The following DNAH9 variants were observed in gnomAD, a reference collection of about 807,000 sequenced individuals.
The protein encoded by DNAH9 is dynein axonemal heavy chain 9, also known as DNAH9 variant protein.
DNAH9 carries 345 observed loss-of-function variants against 471.6 expected under a neutral mutation model. That is an observed-to-expected ratio of 0.73 (90% CI 0.67 to 0.80). The LOEUF (loss-of-function observed/expected upper bound fraction) is 0.80. DNAH9 is among the 30% of genes least tolerant of loss of function. The pLI, the probability that DNAH9 is intolerant of heterozygous loss-of-function variation, is 0.00. For synonymous variants in DNAH9, 2,093 were observed against 2,123.6 expected (o/e 0.99, Z 0.40); for missense variants, 5,407 against 5,609.2 (o/e 0.96, Z 1.15).
intron 62 of DNAH9, among the ~76,000 whole-genome samples, chr17:11,924,616 C>CTTTTTTTTTTTTTTTTTTTT (rs756191140): frequency 2.2e-5 from 2 of 91,956 alleles, no homozygotes; most frequent in African/African-American, 4.5e-5. Context: ...ACTACTAACT[C>CTTTTTTTTTTTTTTTTTTTT]TTTTTTTTTT....
chr17:11,930,946 A>G (rs976381048), intron 63 of DNAH9, among the ~76,000 whole-genome samples: 7 of 152,162 alleles, frequency 4.6e-5, no homozygotes, highest in Non-Finnish European at 1.0e-4. Context: ...CGTTTCCATT[A>G]TGGGGAATTT....
In DNAH9 at chr17:11,664,859, C is replaced by A; in HGVS notation, c.2622C>A (p.Asp874Glu). The change falls in exon 15 of 69, where the codon GAC becomes GAA. Residue 874 changes from aspartate (D) to glutamate (E), a missense_variant. Coordinates refer to ENST00000262442, the MANE Select transcript of DNAH9 (RefSeq NM_001372.4). ...VQENLGLFSA[D>E]PTSNIWKTYV... The stretch of plus-strand genomic sequence containing the variant: ...AAAACCTGGGTCTATTTTCAGCAGA[C>A]CCAACCTCCAATATCTGGAAGACTT... The A allele has an allele frequency of 6.2e-7, 1 of 1,613,234 alleles. No homozygotes were observed. The highest frequency in any genetic ancestry group is 1.3e-5 in the African/African-American group (1 of 75,040).
rs1164434002 is a variant in DNAH9, at chr17:11,669,103, T to G, written c.2771T>G (p.Leu924Arg). The part of the protein sequence containing the change: ...AGLTPIFEAQ[L>R]SLAIPELVFY... ...CTTACCCCAATATTTGAAGCACAACTGAGTCTAGCCATCCCAGAGCTAGTT... is the reference window on the plus strand; with the variant it reads ...CTTACCCCAATATTTGAAGCACAACGGAGTCTAGCCATCCCAGAGCTAGTT... The change falls in exon 16 of 69, where the codon CTG (leucine) becomes CGG (arginine). Residue 924 changes from leucine (L) to arginine (R), a missense_variant. By Grantham distance (102) the Leu-to-Arg change is moderately radical. Transcript: ENST00000262442. 6.2e-7 allele frequency: 1 copy of G among 1,613,880 alleles called. No individual in the cohort carries two copies. Among genetic ancestry groups the G allele is most frequent in the Non-Finnish European group, 8.5e-7 (1 of 1,179,892 alleles).
intron 1 of DNAH9, among the ~76,000 whole-genome samples, chr17:11,604,355 G>A (rs1023987061): frequency 5.9e-5 from 9 of 151,930 alleles, no homozygotes; most frequent in Admixed American, 2.6e-4. Flanking sequence ...ATGGTCCTAC[G>A]GCTCATTCCC....
intron 49 of DNAH9, among the ~76,000 whole-genome samples, chr17:11,842,261 AG>A (rs1409595390): frequency 6.6e-6 from 1 of 152,214 alleles, no homozygotes; most frequent in Non-Finnish European, 1.5e-5. Context: ...AATACAAGTA[AG>A]TTGACTTTAG....
chr17:11,773,805 G>A (rs1290268251), intron 38 of DNAH9, among the ~76,000 whole-genome samples: 3 of 152,220 alleles, frequency 2.0e-5, no homozygotes, highest in Non-Finnish European at 4.4e-5. Context: ...TAAAGTGTTA[G>A]CATTATGCTA....
chr17:11,704,479 T>C, intron 25 of DNAH9, 37 bp downstream of exon 25: 2 of 1,602,956 alleles, frequency 1.2e-6, no homozygotes, highest in Non-Finnish European at 1.7e-6. Context: ...CACTTTTGTG[T>C]ACAGCTACAC....
At chr17:11,925,491 G>T in intron 62 of DNAH9, 1 of 257,550 alleles carries the variant, frequency 3.9e-6, no homozygotes, top group Non-Finnish European at 7.7e-6. Context: ...AATAACAGCT[G>T]AGTTTCCTCC....
chr17:11,643,669 TACGCTCTATGATCAAC>T (rs1224547128), intron 10 of DNAH9, among the ~76,000 whole-genome samples: 1 of 152,178 alleles, frequency 6.6e-6, no homozygotes, highest in Non-Finnish European at 1.5e-5. Flanking sequence ...CTAGGAGCAA[TACGCTCTATGATCAAC>T]ACGCTCTATG....
Position 11,805,523 on chromosome 17 carries a change from C to CT in DNAH9, c.8421-2167dup, listed in dbSNP as rs773842478. ...TATTTGGCCAAACTTTACCCGAGTT[C>CT]TTTTTTTTTTTTTTTTTTTTTTTTT... On this transcript the variant is annotated intron_variant, in intron 43 of 68. Transcript: ENST00000262442. Among the ~76,000 whole-genome samples, 300 of 52,084 alleles carry CT rather than the reference C, an allele frequency of 5.8e-3. 82 individuals are homozygous for CT. Among genetic ancestry groups the CT allele is most frequent in the East Asian group, 0.023 (22 of 970 alleles). The allele number at this position is 52,084 out of a possible 152,430, so 34.2% of individuals were successfully genotyped here.
At chr17:11,933,778 TC>T in intron 64 of DNAH9, 101 bp from the exon 65 acceptor site, 1 of 1,028,244 alleles carries the variant, frequency 9.7e-7, no homozygotes, top group Non-Finnish European at 1.4e-6. Context: ...TCAAGAAGCG[TC>T]CCTCTCTTGT....
chr17:11,648,209 G>A (rs1314124316), intron 12 of DNAH9, among the ~76,000 whole-genome samples: 4 of 152,198 alleles, frequency 2.6e-5, no homozygotes, highest in Admixed American at 2.6e-4. Context: ...ACTATAGATT[G>A]AGCTGAAAAC....
chr17:11,934,202 G>C, intron 65 of DNAH9, 131 bp downstream of exon 65: 3 of 952,442 alleles, frequency 3.1e-6, no homozygotes, highest in Non-Finnish European at 4.7e-6. Flanking sequence ...CAGGGGCTGA[G>C]GCAAAAGGGC....
chr17:11,806,447 T>C (rs976727147), intron 43 of DNAH9, among the ~76,000 whole-genome samples: 2 of 152,224 alleles, frequency 1.3e-5, no homozygotes, highest in Non-Finnish European at 2.9e-5. Flanking sequence ...CAATTTATTC[T>C]ATCCTTATTA....
At chr17:11,924,735 T>TGCCTCA (rs1974261488) in intron 62 of DNAH9, among the ~76,000 whole-genome samples, 1 of 149,078 alleles carries the variant, frequency 6.7e-6, no homozygotes, top group Admixed American at 6.8e-5. Context: ...GCGATTCTCC[T>TGCCTCA]GCCTCAGCCT....
Position 11,598,699 on chromosome 17 carries a change from G to T in DNAH9, c.201G>T (p.Gly67=). 1 of 1,373,002 alleles carries T rather than the reference G, an allele frequency of 7.3e-7. No homozygotes were observed. The highest frequency in any genetic ancestry group is 9.3e-7 in the Non-Finnish European group (1 of 1,069,988). The allele number at this position is 1,373,002 out of a possible 1,614,324, so 85.1% of individuals were successfully genotyped here. Residue 67 remains glycine (G), a synonymous_variant, in exon 1 of 69, where the codon GGG becomes GGT. Transcript: ENST00000262442. The part of the protein sequence containing the change: ...QAFLGRDAAE[G]PRPLLVVRPG... ...TCCTGGGCCGCGATGCTGCCGAGGG[G>T]CCGCGGCCGCTGCTGGTGGTGCGGC... is the stretch of plus-strand genomic sequence containing the variant.
intron 67 of DNAH9, among the ~76,000 whole-genome samples, chr17:11,960,481 C>T (rs971643159): frequency 2.4e-5 from 3 of 124,006 alleles, no homozygotes; most frequent in African/African-American, 6.2e-5. Flanking sequence ...TGGCTGGGTG[C>T]GGAGGCTCAT....
intron 29 of DNAH9, among the ~76,000 whole-genome samples, chr17:11,739,419 C>G (rs1444648852): frequency 1.3e-5 from 2 of 152,094 alleles, no homozygotes; most frequent in Non-Finnish European, 2.9e-5. Flanking sequence ...AACTACTCCC[C>G]CATGGTTAAA....
At chr17:11,869,113 C>T (rs758057731) in intron 50 of DNAH9, 21 bp from the exon 51 acceptor site, 3 of 1,611,194 alleles carry the variant, frequency 1.9e-6, no homozygotes, top group East Asian at 2.2e-5. Context: ...ACTGATGGTC[C>T]TTGTATTCCT....
Sources: gnomAD v4.1 joint callset for allele counts (sites outside exome capture counted in the v4.1 genomes callset) on GRCh38, gnomAD v4.1.1 for gene constraint, MANE v1.5 for transcripts, NCBI Gene and HGNC (gene_info 2026-07-23, HGNC 2026-07-21) for gene names.